PDE11A: variants seen among roughly 807,000 people sequenced by gnomAD.
PDE11A encodes dual 3',5'-cyclic-AMP and -GMP phosphodiesterase 11A.
A neutral mutation model predicts 100.5 loss-of-function variants in PDE11A; 100 were observed. The ratio of observed to expected loss-of-function variants is 1.00; its 90% CI spans 0.85 to 1.18. The LOEUF (loss-of-function observed/expected upper bound fraction) is 1.18. PDE11A is among the 50% of genes most tolerant of loss of function. PDE11A has a pLI of 0.00. For missense variants in PDE11A, 1,141 were observed against 1,152.6 expected, an observed-to-expected ratio of 0.99 and a Z score of 0.15; for synonymous variants, 381 against 420.8, an observed-to-expected ratio of 0.91 and a Z score of 1.16.
At chr2:177,865,948 T>C (rs1298914347) in intron 5 of PDE11A, among the ~76,000 whole-genome samples, 1 of 152,138 alleles carries the variant, frequency 6.6e-6, no homozygotes, top group African/African-American at 2.4e-5. Flanking sequence ...TGAACAACCT[T>C]GTGAATATAT....
intron 1 of PDE11A, among the ~76,000 whole-genome samples, chr2:178,067,131 C>G (rs1398300342): frequency 6.6e-6 from 1 of 152,156 alleles, no homozygotes; most frequent in African/African-American, 2.4e-5. Flanking sequence ...CCATCTGTCT[C>G]CTTCTGCCCA....
intron 10 of PDE11A, among the ~76,000 whole-genome samples, chr2:177,747,740 C>T (rs141800719): frequency 3.3e-5 from 5 of 152,214 alleles, no homozygotes; most frequent in East Asian, 1.9e-4. Context: ...CTGTAGCATT[C>T]GGGGATTTCA....
At chr2:178,104,563 G>A (rs1394443851) in intron 1 of PDE11A, 1 of 1,133,266 alleles carries the variant, frequency 8.8e-7, no homozygotes, top group African/African-American at 1.6e-5. Flanking sequence ...CCATCATTTT[G>A]ACTGAAGTGA....
At chr2:178,100,365 T>C (rs1045577092) in intron 2 of PDE11A, among the ~76,000 whole-genome samples, 1 of 152,200 alleles carries the variant, frequency 6.6e-6, no homozygotes, top group Non-Finnish European at 1.5e-5. Context: ...TTCTGTATTC[T>C]TCTGAAAATA....
chr2:177,768,839 T>C (rs1020670912), intron 10 of PDE11A, among the ~76,000 whole-genome samples: 4 of 152,216 alleles, frequency 2.6e-5, no homozygotes, highest in Non-Finnish European at 5.9e-5. Flanking sequence ...ATCTGTAAAA[T>C]AGTATGTTTT....
At chr2:177,729,331 C>A (rs2081648470) in intron 10 of PDE11A, among the ~76,000 whole-genome samples, 2 of 146,250 alleles carry the variant, frequency 1.4e-5, no homozygotes, top group African/African-American at 5.0e-5. Context: ...ACTCCTGGAA[C>A]TTCCCGCATT....
intron 9 of PDE11A, among the ~76,000 whole-genome samples, chr2:177,807,814 C>A (rs1014750949): frequency 1.3e-5 from 2 of 151,794 alleles, no homozygotes; most frequent in Non-Finnish European, 2.9e-5. Context: ...TCTGACTAAT[C>A]TTTATCCTCA....
At chr2:178,100,909 A>T (rs1375355874) in intron 2 of PDE11A, among the ~76,000 whole-genome samples, 1 of 152,250 alleles carries the variant, frequency 6.6e-6, no homozygotes, top group Non-Finnish European at 1.5e-5. Context: ...AATTGTGCTT[A>T]TAACAGGATA....
At chr2:177,732,431 T>C (rs1030919158) in intron 10 of PDE11A, among the ~76,000 whole-genome samples, 5 of 152,190 alleles carry the variant, frequency 3.3e-5, no homozygotes, top group Non-Finnish European at 7.3e-5. Context: ...ATCTTTCTGG[T>C]CTCAGGAGAG....
chr2:177,773,458 C>T (rs770652468), intron 9 of PDE11A, among the ~76,000 whole-genome samples: 2 of 152,116 alleles, frequency 1.3e-5, no homozygotes, highest in Non-Finnish European at 2.9e-5. Flanking sequence ...AAGACCTTAA[C>T]GAAATAAATA....
intron 1 of PDE11A, chr2:178,104,523 G>A (rs2087596925): frequency 6.7e-7 from 1 of 1,485,842 alleles, no homozygotes; most frequent in African/African-American, 1.4e-5. Flanking sequence ...ATATATATTA[G>A]ATTTTCAAAG....
intron 2 of PDE11A, among the ~76,000 whole-genome samples, chr2:177,966,501 A>G (rs1451842640): frequency 6.6e-6 from 1 of 151,898 alleles, no homozygotes; most frequent in Non-Finnish European, 1.5e-5. Flanking sequence ...AGCTCTTATT[A>G]TTTTGAAGTA....
chr2:177,634,431 C>G (rs1385146452), intron 19 of PDE11A, among the ~76,000 whole-genome samples: 1 of 150,142 alleles, frequency 6.7e-6, no homozygotes, highest in Non-Finnish European at 1.5e-5. Flanking sequence ...CTCTGACGCC[C>G]AGGCTGGAGT....
intron 9 of PDE11A, among the ~76,000 whole-genome samples, chr2:177,777,756 T>A (rs1253416779): frequency 1.3e-5 from 2 of 152,208 alleles, no homozygotes; most frequent in Non-Finnish European, 2.9e-5. Flanking sequence ...AGTATTACTA[T>A]AACGTACATA....
chr2:177,729,197 G>C (rs984590060), intron 10 of PDE11A, among the ~76,000 whole-genome samples: 1 of 152,096 alleles, frequency 6.6e-6, no homozygotes, highest in African/African-American at 2.4e-5. Flanking sequence ...CTCCTCCATA[G>C]GTGGAGCTTA....
chr2:177,782,784 T>C (rs112085459), intron 9 of PDE11A, among the ~76,000 whole-genome samples: 4 of 152,176 alleles, frequency 2.6e-5, no homozygotes, highest in African/African-American at 9.6e-5. Context: ...ACTTCCTTCC[T>C]TTCTCTTTCT....
intron 15 of PDE11A, among the ~76,000 whole-genome samples, chr2:177,681,999 C>T (rs2080872736): frequency 6.6e-6 from 1 of 152,146 alleles, no homozygotes; most frequent in African/African-American, 2.4e-5. Context: ...GGTCCTTTTC[C>T]TAATCCAGGG....
rs765054096 is a variant in PDE11A, at chr2:178,014,439, T to C, written c.934A>G (p.Ile312Val). Residue 312 changes from isoleucine (I) to valine (V), a missense_variant, in exon 2 of 20, where the codon ATC becomes GTC. By Grantham distance (29) the Ile-to-Val change is conservative (BLOSUM62 3). Coordinates refer to ENST00000286063, the MANE Select transcript of PDE11A (RefSeq NM_016953.4). Reference protein sequence around the residue: ...AYQDRRFNDEIDKLTGYKTKS... With the variant: ...AYQDRRFNDEVDKLTGYKTKS... ...GTCTTGTATCCAGTTAGCTTGTCGA[T>C]TTCATCATTGAATCGTCGATCCTAA... The C allele has an allele frequency of 6.1e-5, 99 of 1,613,268 alleles. No homozygotes were observed. The highest frequency in any genetic ancestry group is 1.6e-4 in the Middle Eastern group (1 of 6,082).
At chr2:177,685,299 C>G (rs1427436944) in intron 15 of PDE11A, among the ~76,000 whole-genome samples, 1 of 152,164 alleles carries the variant, frequency 6.6e-6, no homozygotes, top group East Asian at 1.9e-4. Flanking sequence ...AAGTAAACAA[C>G]ACAAAATCTA....
Sources: allele counts gnomAD v4.1 joint callset (sites outside exome capture counted in the v4.1 genomes callset), GRCh38; gene constraint gnomAD v4.1.1; transcripts MANE v1.5; gene names NCBI Gene and HGNC (gene_info 2026-07-23, HGNC 2026-07-21).